Variants in HMCN2 observed in about 807,000 individuals in gnomAD.
HMCN2 encodes the protein hemicentin 2.
Under a neutral mutation model 377.5 loss-of-function variants are expected in HMCN2, and 325 were observed. The observed-to-expected ratio is 0.86, with a 90% CI of 0.79 to 0.94. The LOEUF is 0.94. HMCN2 is among the 40% of genes least tolerant of loss of function. The pLI is 0.00. For synonymous variants in HMCN2, 2,007 were observed against 2,046.8 expected, an observed-to-expected ratio of 0.98 and a Z score of 0.53; for missense variants, 4,543 against 4,725.3, an observed-to-expected ratio of 0.96 and a Z score of 1.13.
At chr9:130,385,929 C>T (rs746599916) in intron 60 of HMCN2, among the ~76,000 whole-genome samples, 167 bp downstream of exon 60, 5 of 152,156 alleles carry the variant, frequency 3.3e-5, no homozygotes, top group African/African-American at 7.2e-5. Context: ...AAGACATGGG[C>T]AGAGCTCAGG....
rs1843066847 is a variant in HMCN2, at chr9:130,405,942, T to A, written c.12340-13T>A. The A allele has an allele frequency of 7.8e-7, 1 of 1,279,676 alleles. No individual in the cohort carries two copies. The highest frequency in any genetic ancestry group is 1.0e-6 in the Non-Finnish European group (1 of 981,218). The allele number at this position is 1,279,676 out of a possible 1,614,324, so 79.3% of individuals were successfully genotyped here. A position where few individuals can be genotyped will look rare whatever the true frequency, so the allele number is the denominator to read the frequency against. Reference sequence around the variant, plus strand: ...GGGGCAGTTCTCCGGCCAACCCCTTTCTTTGCTCACAGGGCCAGGACGCAG... The same window carrying A: ...GGGGCAGTTCTCCGGCCAACCCCTTACTTTGCTCACAGGGCCAGGACGCAG... On this transcript the variant is annotated splice_polypyrimidine_tract_variant and intron_variant, in intron 81 of 97. Coordinates refer to ENST00000683500, the MANE Select transcript of HMCN2 (RefSeq NM_001291815.2).
chr9:130,322,583 C>T (rs1837915804), intron 19 of HMCN2, among the ~76,000 whole-genome samples: 1 of 152,160 alleles, frequency 6.6e-6, no homozygotes, highest in East Asian at 1.9e-4. Context: ...ATTATCTGTA[C>T]TCCCCCCGCC....
rs1171911892 is a variant in HMCN2 at position 130,360,834 on chromosome 9, C to T, written c.5950+230C>T. On this transcript the variant is annotated intron_variant, in intron 38 of 97. Transcript: ENST00000683500. This position sits in a 1 kb window ranked among gnomAD's most constrained non-coding sequence, Gnocchi z 4.7. ...CCACCCCTCCATCCATCCACCCATC[C>T]ACTCATCCACCTATCCACCCATCCA... 6.6e-6 allele frequency among the ~76,000 whole-genome samples: 1 copy of T among 151,252 alleles called. No homozygotes were observed. The highest frequency in any genetic ancestry group is 1.5e-5 in the Non-Finnish European group (1 of 67,794).
chr9:130,329,132 C>G (rs1838291382), intron 22 of HMCN2, among the ~76,000 whole-genome samples: 1 of 152,200 alleles, frequency 6.6e-6, no homozygotes, highest in South Asian at 2.1e-4. Flanking sequence ...AAACTTCATA[C>G]TCATTGGCAG....
intron 62 of HMCN2, among the ~76,000 whole-genome samples, chr9:130,390,106 C>T (rs2131668858): frequency 6.6e-6 from 1 of 152,316 alleles, no homozygotes; most frequent in East Asian, 1.9e-4. Context: ...CAGGCCCCAC[C>T]TCCCTTTGCG....
intron 97 of HMCN2, chr9:130,432,798 C>T (rs941417752): frequency 1.6e-5 from 9 of 562,294 alleles, no homozygotes; most frequent in Non-Finnish European, 2.2e-5. Context: ...AACTCAGACA[C>T]GCCAGCACCA....
rs1841899026 is a variant in HMCN2, at chr9:130,384,356, G to T, written c.8831-17G>T. On this transcript the variant is annotated splice_polypyrimidine_tract_variant and intron_variant, in intron 57 of 97. Coordinates refer to ENST00000683500, the MANE Select transcript of HMCN2 (RefSeq NM_001291815.2). ...TGATTCTCATGCCTTTCTCTACCGT[G>T]GTGGCTGTGGGGATAGTCCCGCCAC... The T allele has an allele frequency of 7.8e-7, 1 of 1,285,908 alleles. No individual in the cohort carries two copies. Among genetic ancestry groups the T allele is most frequent in the South Asian group, 1.3e-5 (1 of 79,306 alleles). The allele number at this position is 1,285,908 out of a possible 1,614,324, so 79.7% of individuals were successfully genotyped here.
rs1159426912 is a variant in HMCN2, at chr9:130,334,784, T to C, written c.3360-3110T>C. On this transcript the variant is annotated intron_variant, in intron 22 of 97. Coordinates refer to ENST00000683500, the MANE Select transcript of HMCN2 (RefSeq NM_001291815.2). The stretch of plus-strand genomic sequence containing the variant: ...TTCTCTCTCTCTCTCTCTCTCCCTC[T>C]TCCTCTCTCTCTCTCTTCTCTCTCT... 1.9e-4 allele frequency among the ~76,000 whole-genome samples: 27 copies of C among 142,458 alleles called. 2 individuals carry two copies. In the South Asian group the frequency reaches 6.4e-3, roughly 34 times the overall value. 93.5% of individuals were successfully genotyped at this position (142,458 alleles called of 152,430 possible).
chr9:130,355,729 G>A lies in HMCN2; in HGVS notation c.5147-17G>A. On this transcript the variant is annotated splice_polypyrimidine_tract_variant and intron_variant, in intron 32 of 97. Transcript: ENST00000683500. ...GCTGCTCAGCTCCAAACACCCAGGA[G>A]TGTGTTCTGCCTGCAGTGCCCCCAC... 2.3e-6 allele frequency: 3 copies of A among 1,290,492 alleles called. No homozygotes were observed. Among genetic ancestry groups the A allele is most frequent in the Non-Finnish European group, 3.1e-6 (3 of 977,654 alleles). The allele number at this position is 1,290,492 out of a possible 1,614,324, so 79.9% of individuals were successfully genotyped here. A position where few individuals can be genotyped will look rare whatever the true frequency, so the allele number is the denominator to read the frequency against.
intron 22 of HMCN2, among the ~76,000 whole-genome samples, chr9:130,329,779 G>T (rs1012054027): frequency 5.3e-5 from 8 of 151,604 alleles, no homozygotes; most frequent in Admixed American, 1.3e-4. Context: ...AGCTTTGTTC[G>T]CAGGCTCTGG....
intron 85 of HMCN2, among the ~76,000 whole-genome samples, chr9:130,418,433 C>T (rs935053714): frequency 4.6e-5 from 7 of 151,908 alleles, no homozygotes; most frequent in African/African-American, 7.3e-5. Context: ...TGGTAGCAGG[C>T]GCTCTTGGGA....
chr9:130,280,168 G>A (rs7853572), intron 1 of HMCN2, among the ~76,000 whole-genome samples: 3 of 116,124 alleles, frequency 2.6e-5, no homozygotes, highest in Non-Finnish European at 5.4e-5. Context: ...TTTTTTTTTG[G>A]TTTTTTTTTT....
intron 62 of HMCN2, among the ~76,000 whole-genome samples, chr9:130,388,935 G>A (rs1040533109): frequency 2.2e-4 from 33 of 152,284 alleles, no homozygotes; most frequent in Admixed American, 6.5e-4. Context: ...TAGCTGGGCC[G>A]TTGGTCAACC....
At chr9:130,278,815 A>G (rs1450993653) in intron 1 of HMCN2, among the ~76,000 whole-genome samples, 2 of 149,370 alleles carry the variant, frequency 1.3e-5, no homozygotes, top group East Asian at 4.1e-4. Context: ...TCCCAACCTC[A>G]GGTGATCCAC....
At chr9:130,326,848 T>A (rs1263425901) in intron 21 of HMCN2, among the ~76,000 whole-genome samples, 1 of 152,086 alleles carries the variant, frequency 6.6e-6, no homozygotes, top group Admixed American at 6.5e-5. Context: ...CATGCACAGA[T>A]TGCCATCAAT....
At chr9:130,374,833 T>C (rs1490487896) in intron 49 of HMCN2, 140 bp downstream of exon 49, 5 of 236,790 alleles carry the variant, frequency 2.1e-5, no homozygotes, top group South Asian at 1.6e-4. Flanking sequence ...AAAAATCATA[T>C]AGCGACTCTA....
intron 3 of HMCN2, 77 bp downstream of exon 3, chr9:130,285,393 T>G (rs1398430182): frequency 4.5e-6 from 2 of 447,322 alleles, no homozygotes; most frequent in African/African-American, 2.0e-5. Flanking sequence ...TCTCACCACC[T>G]GAGCCACCTC....
intron 30 of HMCN2, among the ~76,000 whole-genome samples, chr9:130,352,279 G>A (rs985779344): frequency 1.3e-5 from 2 of 152,200 alleles, no homozygotes; most frequent in African/African-American, 4.8e-5. Context: ...TAAGGAAGCT[G>A]AAAAAACAAA....
In HMCN2 at chr9:130,375,962, G is replaced by A. The variant is rs974210044; in HGVS notation, c.7891G>A (p.Val2631Met). ...CVVTNELGEA[V>M]KNYHVEVLIP... ...GGTCACCAATGAGCTCGGGGAGGCC[G>A]TGAAAAACTACCATGTGGAAGTGCT... The change falls in exon 51 of 98, where the codon GTG becomes ATG. Residue 2631 changes from valine to methionine, a missense_variant. Coordinates refer to ENST00000683500, the MANE Select transcript of HMCN2 (RefSeq NM_001291815.2). The A allele has an allele frequency of 7.1e-6, 7 of 985,682 alleles. No homozygotes were observed. Among genetic ancestry groups the A allele is most frequent in the Middle Eastern group, 5.2e-4 (1 of 1,938 alleles). The allele number at this position is 985,682 out of a possible 1,614,324, so 61.1% of individuals were successfully genotyped here.
Sources: allele counts gnomAD v4.1 joint callset (sites outside exome capture counted in the v4.1 genomes callset), GRCh38; gene constraint gnomAD v4.1.1; non-coding constraint Gnocchi (gnomAD v3.1); transcripts MANE v1.5; gene names NCBI Gene and HGNC (gene_info 2026-07-23, HGNC 2026-07-21).